CRIP3: variants seen among roughly 807,000 people sequenced by gnomAD.
The protein encoded by CRIP3 is cysteine-rich protein 3.
A neutral mutation model predicts 30.3 loss-of-function variants in CRIP3; 23 were observed. The observed-to-expected ratio is 0.76, with a 90% CI of 0.55 to 1.08. The LOEUF is 1.08. CRIP3 is among the 50% of genes least tolerant of loss of function. The pLI is 0.00. For missense variants in CRIP3, 261 were observed against 259.3 expected (o/e 1.01, Z -0.04); for synonymous variants, 89 against 97.6 (o/e 0.91, Z 0.52).
chr6:43,308,743 G>C lies in CRIP3; in HGVS notation c.43+7C>G. ...CATCTTCTCCCCCTCCGCAGCCCGG[G>C]CCTCACCGAAGAAAACAGGTTGCTG... On this transcript the variant is annotated splice_region_variant and intron_variant, in intron 1 of 7. Coordinates refer to ENST00000372569, the MANE Select transcript of CRIP3 (RefSeq NM_206922.3). 6.2e-7 allele frequency: 1 copy of C among 1,613,920 alleles called. No homozygotes were observed.
In CRIP3 at chr6:43,306,060, T is replaced by C. The variant is rs1472580889; in HGVS notation, c.553+7A>G. 1.9e-6 allele frequency: 3 copies of C among 1,612,776 alleles called. No homozygotes were observed. The highest frequency in any genetic ancestry group is 2.5e-6 in the Non-Finnish European group (3 of 1,179,290). On this transcript the variant is annotated splice_region_variant and intron_variant, in intron 7 of 7. Transcript: ENST00000372569. ...GCCATCCCAGTGTCTGGGATGGGGC[T>C]GCCCACCTTTGGGGCCAAACAGGTA... is the stretch of plus-strand genomic sequence containing the variant.
In CRIP3 at chr6:43,308,481, G is replaced by A. The variant is rs1778993819; in HGVS notation, c.44-72C>T. Reference sequence around the variant, plus strand: ...ATAGGGCCCCTCCTTTCCCTCTTCGGCCCTCTAGGGAATTAGGTTGGCCTG... The same window carrying A: ...ATAGGGCCCCTCCTTTCCCTCTTCGACCCTCTAGGGAATTAGGTTGGCCTG... On this transcript the variant is annotated intron_variant, in intron 1 of 7. Transcript: ENST00000372569. The A allele has an allele frequency of 6.6e-6, 9 of 1,364,960 alleles. No homozygotes were observed. The Admixed American group carries it at 1.7e-4, about 26-fold the overall frequency. 84.6% of individuals were successfully genotyped at this position (1,364,960 alleles called of 1,614,324 possible). A position where few individuals can be genotyped will look rare whatever the true frequency, so the allele number is the denominator to read the frequency against.
chr6:43,308,706 TC>T, intron 1 of CRIP3, 43 bp downstream of exon 1: 1 of 1,612,210 alleles, frequency 6.2e-7, no homozygotes, highest in Admixed American at 1.7e-5. Context: ...ATCCAGCGGC[TC>T]CCATTCGCCC....
In CRIP3 at chr6:43,305,722, C is replaced by A; in HGVS notation, c.*92G>T. The A allele has an allele frequency of 1.3e-6, 2 of 1,512,102 alleles. No homozygotes were observed. The highest frequency in any genetic ancestry group is 3.4e-5 in the Admixed American group (2 of 59,434). 93.7% of individuals were successfully genotyped at this position (1,512,102 alleles called of 1,614,324 possible). ...GCCCCCAAGATCCCACCTTCCCCAA[C>A]CCCCATGGGACTGGAGATTTTTGTA... On this transcript the variant is annotated 3_prime_UTR_variant, in exon 8 of 8. Transcript: ENST00000372569.
rs756963871 is a variant in CRIP3 at position 43,306,113 on chromosome 6, G to C, written c.507C>G (p.Val169=). 1 of 1,614,026 alleles carries C rather than the reference G, an allele frequency of 6.2e-7. No homozygotes were observed. Among genetic ancestry groups the C allele is most frequent in the Admixed American group, 1.7e-5 (1 of 60,010 alleles). The change falls in exon 7 of 8, where the codon GTC becomes GTG. Residue 169 remains valine (V), a synonymous_variant. Transcript: ENST00000372569. The part of the protein sequence containing the change: ...TAGSHAEHDG[V]PYCHVPCYGY... ...CGTAGCAGGGGACGTGGCAGTAGGG[G>C]ACTCCATCATGCTGAGACACAGAGA...
At position 43,307,796 on chromosome 6, in the gene CRIP3, G is replaced by A. The variant is rs757235928; in HGVS notation, c.196+43C>T. ...TTGAGCCCCCAGCTCCCAGCCACAA[G>A]GAGGGTTCTGCTGACCCATGGCCCC... On this transcript the variant is annotated intron_variant, in intron 3 of 7. Transcript: ENST00000372569. The A allele has an allele frequency of 3.7e-6, 6 of 1,611,042 alleles. No individual in the cohort carries two copies. In the South Asian group the frequency reaches 6.6e-5, roughly 18 times the overall value.
intron 1 of CRIP3, 153 bp downstream of exon 1, chr6:43,308,597 A>C (rs1383084069): frequency 5.9e-6 from 6 of 1,012,414 alleles, no homozygotes. Context: ...GGAAGGGAGA[A>C]GACCCGAGTG....
rs754262519 is a variant in CRIP3, at chr6:43,307,776, C to A, written c.197-33G>T. 6 of 1,606,688 alleles carry A rather than the reference C, an allele frequency of 3.7e-6. No homozygotes were observed. The South Asian group carries it at 6.6e-5, about 18-fold the overall frequency. On this transcript the variant is annotated intron_variant, in intron 3 of 7. Coordinates refer to ENST00000372569, the MANE Select transcript of CRIP3 (RefSeq NM_206922.3). ...GAGAATAGGGGAGGTCAGGCTTGAG[C>A]CCCCAGCTCCCAGCCACAAGGAGGG... is the stretch of plus-strand genomic sequence containing the variant.
chr6:43,305,764 G>A lies in CRIP3; in HGVS notation c.*50C>T. On this transcript the variant is annotated 3_prime_UTR_variant, in exon 8 of 8. Coordinates refer to ENST00000372569, the MANE Select transcript of CRIP3 (RefSeq NM_206922.3). ...ATTTTTGTAGCTTCCATTGGACCAT[G>A]AGGGGCATGATGGGAGGCCTGAGTT... The A allele has an allele frequency of 6.2e-7, 1 of 1,607,122 alleles. No homozygotes were observed. Among genetic ancestry groups the A allele is most frequent in the Non-Finnish European group, 8.5e-7 (1 of 1,173,948 alleles).
Position 43,307,708 on chromosome 6 carries a change from T to G in CRIP3, c.232A>C (p.Asn78His). The change falls in exon 4 of 8, where the codon AAT becomes CAT. Residue 78 changes from asparagine to histidine, a missense_variant. Coordinates refer to ENST00000372569, the MANE Select transcript of CRIP3 (RefSeq NM_206922.3). ...NIGGVGSYLY[N>H]PPTPSPGCTT... is the part of the protein sequence containing the mutation. ...CAGCCAGGGCTGGGAGTGGGGGGATTGTACAAGTAGGAGCCTACACCACCA... is the reference window on the plus strand; with the variant it reads ...CAGCCAGGGCTGGGAGTGGGGGGATGGTACAAGTAGGAGCCTACACCACCA... 1 of 1,553,440 alleles carries G rather than the reference T, an allele frequency of 6.4e-7. No homozygotes were observed. Among genetic ancestry groups the G allele is most frequent in the Non-Finnish European group, 8.7e-7 (1 of 1,145,702 alleles).
intron 4 of CRIP3, chr6:43,306,802 T>G: frequency 2.7e-6 from 1 of 366,982 alleles, no homozygotes; most frequent in East Asian, 4.9e-5. Context: ...AACTCAATCC[T>G]CAGGAAACTT....
intron 1 of CRIP3, 22 bp downstream of exon 1, chr6:43,308,728 C>T: frequency 6.2e-7 from 1 of 1,613,990 alleles, no homozygotes; most frequent in East Asian, 2.2e-5. Flanking sequence ...CATCTTCTCC[C>T]CCTCCGCAGC....
intron 2 of CRIP3, 70 bp downstream of exon 2, chr6:43,308,244 GT>G: frequency 2.2e-6 from 3 of 1,364,148 alleles, no homozygotes; most frequent in Non-Finnish European, 3.1e-6. Flanking sequence ...CAGTGCTGAA[GT>G]TGGGGGCTGG....
intron 1 of CRIP3, 144 bp from the exon 2 acceptor site, chr6:43,308,553 G>C (rs1778994807): frequency 5.5e-6 from 5 of 915,054 alleles, no homozygotes; most frequent in Non-Finnish European, 8.4e-6. Flanking sequence ...GCTCCATCCC[G>C]CTCCGGTTTC....
At position 43,305,555 on chromosome 6, in the gene CRIP3, T is replaced by A. The variant is rs898623654; in HGVS notation, c.*259A>T. ...TTATGAGTACCTTGAAGCTCCAGAA[T>A]GTGCTGGGGAAAGGGGTTGTGATGG... On this transcript the variant is annotated 3_prime_UTR_variant, in exon 8 of 8. Coordinates refer to ENST00000372569, the MANE Select transcript of CRIP3 (RefSeq NM_206922.3). 3.7e-6 allele frequency: 2 copies of A among 545,806 alleles called. No homozygotes were observed. The highest frequency in any genetic ancestry group is 3.8e-5 in the African/African-American group (2 of 52,838). The allele number at this position is 545,806 out of a possible 1,614,324, so 33.8% of individuals were successfully genotyped here.
At chr6:43,308,436 T>A (rs1778992697) in intron 1 of CRIP3, 27 bp from the exon 2 acceptor site, 1 of 1,597,470 alleles carries the variant, frequency 6.3e-7, no homozygotes, top group African/African-American at 1.3e-5. Flanking sequence ...GGAACCGAGC[T>A]GCGAGGAGCC....
chr6:43,306,145 G>C (rs41275952), intron 6 of CRIP3, 21 bp from the exon 7 acceptor site: 9 of 1,614,050 alleles, frequency 5.6e-6, no homozygotes, highest in Non-Finnish European at 7.6e-6. Context: ...GAGAGAAAGA[G>C]AGCTGTCTCA....
rs998542868 is a variant in CRIP3 at position 43,307,640 on chromosome 6, T to C, written c.300A>G (p.Pro100=). 2.7e-6 allele frequency: 4 copies of C among 1,486,138 alleles called. No homozygotes were observed. Among genetic ancestry groups the C allele is most frequent in the Non-Finnish European group, 3.6e-6 (4 of 1,114,802 alleles). The allele number at this position is 1,486,138 out of a possible 1,614,324, so 92.1% of individuals were successfully genotyped here. ...LSPSSFSPPR[P]RTGLPQGKKS... is the part of the protein sequence containing the mutation. ...TCTTGCCTTGGGGGAGGCCAGTCCT[T>C]GGCCTGGGAGGGCTGAAGCTGCTGG... The change falls in exon 4 of 8, where the codon CCA becomes CCG. Residue 100 remains proline (P), a synonymous_variant. Transcript: ENST00000372569.
chr6:43,306,286 T>C lies in CRIP3; in HGVS notation c.428A>G (p.Asn143Ser). 1 of 1,614,132 alleles carries C rather than the reference T, an allele frequency of 6.2e-7. No individual in the cohort carries two copies. Residue 143 changes from asparagine (N) to serine (S), a missense_variant, in exon 6 of 8, where the codon AAT becomes AGT. Coordinates refer to ENST00000372569, the MANE Select transcript of CRIP3 (RefSeq NM_206922.3). ...FAEKVMSLGR[N>S]WHRPCLRCQR... Reference sequence around the variant, plus strand: ...GCACCTCAGACACGGTCGGTGCCAATTTCTGCCTAATGACATCACCTTCTC... The same window carrying C: ...GCACCTCAGACACGGTCGGTGCCAACTTCTGCCTAATGACATCACCTTCTC...
Sources: allele counts gnomAD v4.1 joint callset, GRCh38; gene constraint gnomAD v4.1.1; transcripts MANE v1.5; gene names NCBI Gene and HGNC (gene_info 2026-07-23, HGNC 2026-07-21).